Variants in KHDRBS2 observed in about 807,000 individuals in gnomAD.
KHDRBS2 encodes the protein KH RNA binding domain containing, signal transduction associated 2, also known as KH domain-containing, RNA-binding, signal transduction-associated protein 2.
In KHDRBS2, 26 loss-of-function variants were observed where a neutral mutation model predicts 44.3. The ratio of observed to expected loss-of-function variants is 0.59; its 90% CI spans 0.43 to 0.81. The LOEUF (loss-of-function observed/expected upper bound fraction) is 0.81, where lower values mean the gene tolerates loss of function less well. Among genes scored for constraint, KHDRBS2 ranks in the 40% least tolerant of loss-of-function variants. The probability of loss-of-function intolerance (pLI) is 0.00; values close to 1 mark genes in which losing one functional copy is unlikely to be tolerated. For synonymous variants in KHDRBS2, 194 were observed against 151.1 expected (o/e 1.28, Z -2.08); for missense variants, 476 against 433.1 (o/e 1.10, Z -0.88).
intron 2 of KHDRBS2, among the ~76,000 whole-genome samples, chr6:62,118,509 T>C (rs892069740): frequency 1.3e-5 from 2 of 152,192 alleles, no homozygotes; most frequent in African/African-American, 4.8e-5. Context: ...TTACTCTTTA[T>C]TTTCAATGTT....
rs538853273 is a variant in KHDRBS2 at position 61,706,447 on chromosome 6, T to G, written c.894-9194A>C. 4.6e-5 allele frequency among the ~76,000 whole-genome samples: 7 copies of G among 151,862 alleles called. No homozygotes were observed. The East Asian group carries it at 1.4e-3, about 30-fold the overall frequency. ...CTAAGTGATAAGGAAAAGATGCTAC[T>G]CAGAGAGGATAAGACATGGGCTGAG... On this transcript the variant is annotated intron_variant, in intron 7 of 8. Transcript: ENST00000281156.
chr6:61,844,793 C>T (rs1316037434), intron 6 of KHDRBS2, among the ~76,000 whole-genome samples: 6 of 152,102 alleles, frequency 3.9e-5, no homozygotes, highest in African/African-American at 1.4e-4. Context: ...TTGTTATATT[C>T]TGCCGTACAT....
At chr6:61,760,877 T>G (rs992447630) in intron 6 of KHDRBS2, among the ~76,000 whole-genome samples, 1 of 152,340 alleles carries the variant, frequency 6.6e-6, no homozygotes, top group East Asian at 1.9e-4. Context: ...GGAAATGTCA[T>G]GAAGAAATGC....
chr6:61,740,723 T>C (rs1582526533), intron 6 of KHDRBS2, among the ~76,000 whole-genome samples: 2 of 152,048 alleles, frequency 1.3e-5, no homozygotes, highest in African/African-American at 2.4e-5. Context: ...GTAAGGAAAT[T>C]TGTGAAAGCG....
Position 62,103,625 on chromosome 6 carries a change from G to A in KHDRBS2, c.220-55631C>T, listed in dbSNP as rs145508775. On this transcript the variant is annotated intron_variant, in intron 2 of 8. Coordinates refer to ENST00000281156, the MANE Select transcript of KHDRBS2 (RefSeq NM_152688.4). ...GGCAGAAGCAGCTGCGCCCAGGAGCGCAGGCTTCCACCCCAACAATGGGGC... is the reference window on the plus strand; with the variant it reads ...GGCAGAAGCAGCTGCGCCCAGGAGCACAGGCTTCCACCCCAACAATGGGGC... 1.5e-3 allele frequency among the ~76,000 whole-genome samples: 214 copies of A among 146,990 alleles called. 3 individuals carry two copies. The highest frequency in any genetic ancestry group is 4.8e-3 in the African/African-American group (188 of 39,486).
intron 7 of KHDRBS2, among the ~76,000 whole-genome samples, chr6:61,723,846 A>T (rs1192503371): frequency 6.6e-6 from 1 of 152,186 alleles, no homozygotes; most frequent in Non-Finnish European, 1.5e-5. Flanking sequence ...CCTATGACTG[A>T]TTGGGGTACC....
At chr6:61,699,549 A>G (rs1288992980) in intron 7 of KHDRBS2, among the ~76,000 whole-genome samples, 2 of 151,972 alleles carry the variant, frequency 1.3e-5, no homozygotes, top group Non-Finnish European at 2.9e-5. Context: ...TAGATGCCAA[A>G]GGGTTAGGAT....
At chr6:62,263,745 A>G in intron 1 of KHDRBS2, among the ~76,000 whole-genome samples, 1 of 151,792 alleles carries the variant, frequency 6.6e-6, no homozygotes, top group East Asian at 1.9e-4. Context: ...TTCATATTCA[A>G]TAATTTATAA....
At chr6:62,033,076 A>G (rs1437863962) in intron 3 of KHDRBS2, among the ~76,000 whole-genome samples, 1 of 151,954 alleles carries the variant, frequency 6.6e-6, no homozygotes, top group Non-Finnish European at 1.5e-5. Context: ...CTGGCATACT[A>G]AAGAATACGT....
chr6:61,733,445 T>A (rs943850206), intron 6 of KHDRBS2, among the ~76,000 whole-genome samples: 2 of 151,512 alleles, frequency 1.3e-5, no homozygotes, highest in East Asian at 2.0e-4. Context: ...TACAAAAAAA[T>A]TTAGCCAGGC....
intron 4 of KHDRBS2, among the ~76,000 whole-genome samples, chr6:61,908,681 A>T (rs2127349192): frequency 6.6e-6 from 1 of 151,932 alleles, no homozygotes; most frequent in East Asian, 1.9e-4. Context: ...AAATTGACAT[A>T]TGTATTCCAT....
chr6:61,810,828 C>T (rs1183896969), intron 6 of KHDRBS2, among the ~76,000 whole-genome samples: 6 of 152,002 alleles, frequency 3.9e-5, no homozygotes, highest in Non-Finnish European at 8.8e-5. Context: ...TGAGTGGGCT[C>T]TTTTGGGGGT....
chr6:62,181,421 T>A (rs1822261821), intron 1 of KHDRBS2, among the ~76,000 whole-genome samples: 1 of 151,888 alleles, frequency 6.6e-6, no homozygotes, highest in Non-Finnish European at 1.5e-5. Context: ...GATATGCAAA[T>A]GGACAATGGC....
chr6:61,769,629 G>GGC (rs1780537026), intron 6 of KHDRBS2, among the ~76,000 whole-genome samples: 1 of 152,128 alleles, frequency 6.6e-6, no homozygotes, highest in Non-Finnish European at 1.5e-5. Flanking sequence ...GCGAGGCTGG[G>GGC]GGGGCGGCGC....
In KHDRBS2 at chr6:62,102,866, T is replaced by C. The variant is rs186780344; in HGVS notation, c.220-54872A>G. Among the ~76,000 whole-genome samples, 19 of 152,162 alleles carry C rather than the reference T, an allele frequency of 1.2e-4. No homozygotes were observed. In the East Asian group the frequency reaches 3.3e-3, roughly 26 times the overall value. ...CCTTTTGCTCACAATGTTTGGTGGG[T>C]CCCAAATTTTTTGTGCCACATCCAG... is the stretch of plus-strand genomic sequence containing the variant. On this transcript the variant is annotated intron_variant, in intron 2 of 8. Transcript: ENST00000281156.
At chr6:61,787,905 T>C (rs1302340794) in intron 6 of KHDRBS2, among the ~76,000 whole-genome samples, 1 of 151,654 alleles carries the variant, frequency 6.6e-6, no homozygotes, top group Non-Finnish European at 1.5e-5. Context: ...TCCCTAAAAC[T>C]GTACACCTCT....
chr6:61,590,735 A>C, the KHDRBS2 span, among the ~76,000 whole-genome samples: 1 of 152,146 alleles, frequency 6.6e-6, no homozygotes, highest in African/African-American at 2.4e-5. Context: ...TGATGAGGGG[A>C]CTGAGCTAAC....
At chr6:62,106,107 C>T (rs1348053208) in intron 2 of KHDRBS2, among the ~76,000 whole-genome samples, 1 of 152,054 alleles carries the variant, frequency 6.6e-6, no homozygotes, top group Non-Finnish European at 1.5e-5. Flanking sequence ...TTTCTTAATC[C>T]TGAGTTCTAG....
chr6:62,061,751 T>A (rs973281060), intron 2 of KHDRBS2, among the ~76,000 whole-genome samples: 1 of 149,712 alleles, frequency 6.7e-6, no homozygotes, highest in Non-Finnish European at 1.5e-5. Flanking sequence ...TTCTCCTGGA[T>A]AATATCCTGC....
Sources: allele counts gnomAD v4.1 joint callset (sites outside exome capture counted in the v4.1 genomes callset), GRCh38; gene constraint gnomAD v4.1.1; transcripts MANE v1.5; gene names NCBI Gene and HGNC (gene_info 2026-07-23, HGNC 2026-07-21).